CSMD1: variants seen among roughly 807,000 people sequenced by gnomAD.
CSMD1 encodes the protein CUB and Sushi multiple domains 1.
Under a neutral mutation model 417.5 loss-of-function variants are expected in CSMD1, and 213 were observed. The observed-to-expected ratio is 0.51, with a 90% CI of 0.46 to 0.57. CSMD1 has a LOEUF of 0.57. Ranked by LOEUF, CSMD1 falls within the 20% of genes least tolerant of loss-of-function variation. CSMD1 has a pLI of 0.00. For synonymous variants in CSMD1, 2,862 were observed against 1,736.8 expected, an observed-to-expected ratio of 1.65 and a Z score of -16.11; for missense variants, 6,923 against 4,529.7, an observed-to-expected ratio of 1.53 and a Z score of -15.17.
intron 41 of CSMD1, among the ~76,000 whole-genome samples, chr8:3,140,465 G>T (rs1818371259): frequency 6.6e-6 from 1 of 152,100 alleles, no homozygotes; most frequent in South Asian, 2.1e-4. Flanking sequence ...GTGTTTCATA[G>T]AAAAATGCTG....
At chr8:3,967,930 G>C (rs761876573) in intron 5 of CSMD1, among the ~76,000 whole-genome samples, 2 of 150,698 alleles carry the variant, frequency 1.3e-5, no homozygotes, top group African/African-American at 4.9e-5. Flanking sequence ...CACTTTGGGA[G>C]GCCGAGGTGT....
intron 5 of CSMD1, among the ~76,000 whole-genome samples, chr8:3,780,184 AG>A (rs1332864327): frequency 6.6e-6 from 1 of 152,186 alleles, no homozygotes; most frequent in East Asian, 1.9e-4. Flanking sequence ...ACAGGTTAAA[AG>A]TTAAAAGCAT....
intron 57 of CSMD1, among the ~76,000 whole-genome samples, chr8:2,971,633 A>C (rs1804465487): frequency 6.6e-6 from 1 of 152,214 alleles, no homozygotes; most frequent in East Asian, 1.9e-4. Context: ...TATATGAAAG[A>C]GTAGAAAACA....
chr8:4,351,490 T>G (rs570896215), intron 3 of CSMD1, among the ~76,000 whole-genome samples: 111 of 152,336 alleles, frequency 7.3e-4, no homozygotes, highest in African/African-American at 2.5e-3. Flanking sequence ...GCCAAATTTA[T>G]AGATTAGGAA....
chr8:4,305,875 T>C (rs1223690441), intron 3 of CSMD1, among the ~76,000 whole-genome samples: 2 of 152,114 alleles, frequency 1.3e-5, no homozygotes, highest in Non-Finnish European at 2.9e-5. Context: ...TTTGCTTACG[T>C]GTGTATATGC....
At chr8:3,284,959 A>C (rs574665166) in intron 25 of CSMD1, among the ~76,000 whole-genome samples, 1 of 152,214 alleles carries the variant, frequency 6.6e-6, no homozygotes, top group East Asian at 1.9e-4. Flanking sequence ...CCATACTTCT[A>C]TTAGACTTCC....
At position 4,659,193 on chromosome 8, in the gene CSMD1, A is replaced by C. The variant is rs183527526; in HGVS notation, c.86-21635T>G. On this transcript the variant is annotated intron_variant, in intron 1 of 69. Coordinates refer to ENST00000635120, the MANE Select transcript of CSMD1 (RefSeq NM_033225.6). ...AGACAAATGAAAACGAGGACACACA[A>C]AAATATATATGGAATCAGAAAAACA... 1.9e-4 allele frequency among the ~76,000 whole-genome samples: 29 copies of C among 152,298 alleles called. No individual in the cohort carries two copies. In the East Asian group the frequency reaches 3.3e-3, roughly 17 times the overall value.
At chr8:3,285,609 G>A (rs935754325) in intron 25 of CSMD1, among the ~76,000 whole-genome samples, 4 of 151,898 alleles carry the variant, frequency 2.6e-5, no homozygotes, top group African/African-American at 9.7e-5. Flanking sequence ...AAGTTGACCA[G>A]GCTGGTCTTG....
rs115143662 is a variant in CSMD1, at chr8:4,620,957, A to C, written c.302+16385T>G. Reference sequence around the variant, plus strand: ...TTAAAATGTGGTCTTTAAAAAAATCAAGAAAATTGGCAAACTCTTGGCTAG... The same window carrying C: ...TTAAAATGTGGTCTTTAAAAAAATCCAGAAAATTGGCAAACTCTTGGCTAG... On this transcript the variant is annotated intron_variant, in intron 2 of 69. Transcript: ENST00000635120. 5.8e-3 allele frequency among the ~76,000 whole-genome samples: 889 copies of C among 152,184 alleles called. 8 individuals are homozygous for C. The highest frequency in any genetic ancestry group is 0.02 in the African/African-American group (852 of 41,582).
chr8:3,608,173 C>CA (rs5888975), intron 8 of CSMD1, among the ~76,000 whole-genome samples: 18,430 of 97,054 alleles, frequency 0.19, 1,615 homozygotes, highest in Admixed American at 0.24. Flanking sequence ...GAAGCCATCT[C>CA]AAAAAAAAAA....
At chr8:3,048,061 C>T (rs1811574540) in intron 50 of CSMD1, among the ~76,000 whole-genome samples, 1 of 152,040 alleles carries the variant, frequency 6.6e-6, no homozygotes, top group African/African-American at 2.4e-5. Context: ...TCATTGCTTA[C>T]AATAAAATTT....
At position 3,857,122 on chromosome 8, in the gene CSMD1, C is replaced by T. The variant is rs185360468; in HGVS notation, c.819-103080G>A. The stretch of plus-strand genomic sequence containing the variant: ...CACAGCTCTTTAGTCATAAAAGTAA[C>T]TAAGACAAAGTTGTCTACGAAGTTA... On this transcript the variant is annotated intron_variant, in intron 5 of 69. Transcript: ENST00000635120. Among the ~76,000 whole-genome samples the T allele has an allele frequency of 2.0e-3, 310 of 152,006 alleles. 1 individual carries two copies. The highest frequency in any genetic ancestry group is 2.1e-3 in the Non-Finnish European group (143 of 67,968).
intron 8 of CSMD1, among the ~76,000 whole-genome samples, chr8:3,590,361 C>A (rs745521222): frequency 6.6e-6 from 1 of 152,020 alleles, no homozygotes; most frequent in East Asian, 1.9e-4. Context: ...TAGACCGTTC[C>A]TTTCTTCTCA....
chr8:4,249,497 G>A (rs540874998), intron 3 of CSMD1, among the ~76,000 whole-genome samples: 40 of 152,306 alleles, frequency 2.6e-4, no homozygotes, highest in African/African-American at 9.4e-4. Flanking sequence ...TATTTAATGC[G>A]GAAGGATGTA....
intron 5 of CSMD1, among the ~76,000 whole-genome samples, chr8:3,945,310 A>G (rs1811148227): frequency 6.6e-6 from 1 of 152,148 alleles, no homozygotes; most frequent in South Asian, 2.1e-4. Context: ...TTAATAAGAA[A>G]TTAACTTATA....
chr8:3,678,251 G>A (rs1376751470), intron 7 of CSMD1, among the ~76,000 whole-genome samples: 3 of 152,138 alleles, frequency 2.0e-5, no homozygotes, highest in Admixed American at 6.6e-5. Flanking sequence ...GCTAAAGGAG[G>A]AAGTTCGAAC....
At chr8:3,828,962 A>C (rs1242067548) in intron 5 of CSMD1, among the ~76,000 whole-genome samples, 1 of 152,032 alleles carries the variant, frequency 6.6e-6, no homozygotes, top group Non-Finnish European at 1.5e-5. Context: ...TACATATGGC[A>C]ACACAGTTCC....
At chr8:3,304,614 A>G (rs1024436305) in intron 25 of CSMD1, among the ~76,000 whole-genome samples, 9 of 150,658 alleles carry the variant, frequency 6.0e-5, no homozygotes, top group African/African-American at 2.2e-4. Context: ...AGATGTATTT[A>G]TAAATTTGAT....
At chr8:4,608,787 T>C (rs1292356153) in intron 2 of CSMD1, among the ~76,000 whole-genome samples, 1 of 152,210 alleles carries the variant, frequency 6.6e-6, no homozygotes, top group African/African-American at 2.4e-5. Context: ...AATACCTAGC[T>C]GAATGTGTGA....
Sources: allele counts gnomAD v4.1 joint callset (sites outside exome capture counted in the v4.1 genomes callset), GRCh38; gene constraint gnomAD v4.1.1; transcripts MANE v1.5; gene names NCBI Gene and HGNC (gene_info 2026-07-23, HGNC 2026-07-21).